The following PLCL2 variants were observed in gnomAD, a reference collection of about 807,000 sequenced individuals.
PLCL2 encodes the protein inactive phospholipase C-like protein 2.
In PLCL2, 4 loss-of-function variants were observed where a neutral mutation model predicts 79.6. The ratio of observed to expected loss-of-function variants is 0.05; its 90% CI spans 0.02 to 0.11. PLCL2 has a LOEUF of 0.11. PLCL2 is among the 10% of genes least tolerant of loss of function. The pLI is 1.00. For synonymous variants in PLCL2, 484 were observed against 457.7 expected (o/e 1.06, Z -0.73); for missense variants, 895 against 1,291.0 (o/e 0.69, Z 4.70).
intron 1 of PLCL2, among the ~76,000 whole-genome samples, chr3:16,980,098 A>ACCCCC (rs1347472609): frequency 1.6e-5 from 1 of 63,828 alleles, no homozygotes; most frequent in African/African-American, 6.5e-5. Flanking sequence ...TAGGGGGCTG[A>ACCCCC]CCACCCCACC....
intron 3 of PLCL2, among the ~76,000 whole-genome samples, chr3:17,015,355 A>G (rs2064372489): frequency 6.6e-6 from 1 of 152,202 alleles, no homozygotes; most frequent in Non-Finnish European, 1.5e-5. Context: ...ACTCTGCACT[A>G]GGCTATGGTT....
intron 4 of PLCL2, among the ~76,000 whole-genome samples, chr3:17,063,844 C>G (rs1468085646): frequency 6.6e-6 from 1 of 152,218 alleles, no homozygotes; most frequent in Non-Finnish European, 1.5e-5. Context: ...CATCTCTTCT[C>G]TTCCTGTAAT....
intron 1 of PLCL2, among the ~76,000 whole-genome samples, chr3:16,990,050 A>G (rs562982353): frequency 2.3e-4 from 35 of 152,322 alleles, no homozygotes; most frequent in Non-Finnish European, 5.0e-4. Flanking sequence ...TGATATAGGC[A>G]GAGGAGATAG....
chr3:16,948,071 C>G (rs2063617766), intron 1 of PLCL2, among the ~76,000 whole-genome samples: 1 of 152,134 alleles, frequency 6.6e-6, no homozygotes, highest in Non-Finnish European at 1.5e-5. Flanking sequence ...CAGGAATGTT[C>G]ATAGCAGCAT....
intron 1 of PLCL2, among the ~76,000 whole-genome samples, chr3:16,976,591 T>C (rs1291333321): frequency 6.6e-6 from 1 of 152,176 alleles, no homozygotes; most frequent in Non-Finnish European, 1.5e-5. Flanking sequence ...CCTAGACTAA[T>C]GTTTGACCAA....
intron 3 of PLCL2, among the ~76,000 whole-genome samples, chr3:17,021,591 T>G (rs910110554): frequency 1.0e-5 from 1 of 95,302 alleles, no homozygotes; most frequent in African/African-American, 4.6e-5. Context: ...TCTTAAAGTA[T>G]TCTTACACAC....
At chr3:16,995,459 T>G (rs141475420) in intron 1 of PLCL2, among the ~76,000 whole-genome samples, 1 of 152,216 alleles carries the variant, frequency 6.6e-6, no homozygotes, top group African/African-American at 2.4e-5. Context: ...AGGTGCTGGC[T>G]CCCCTCACAA....
rs188576407 is a variant in PLCL2 at position 16,955,262 on chromosome 3, A to C, written c.328-54412A>C. Among the ~76,000 whole-genome samples the C allele has an allele frequency of 4.3e-4, 65 of 152,314 alleles. No homozygotes were observed. In the East Asian group the frequency reaches 0.012, roughly 27 times the overall value. On this transcript the variant is annotated intron_variant, in intron 1 of 5. Transcript: ENST00000615277. ...CTACATATGGCTAGCCAGTTTTCCC[A>C]GCACCATTTATTAAATAGGGAATCT...
chr3:16,942,274 A>G (rs960206307), intron 1 of PLCL2, among the ~76,000 whole-genome samples: 2 of 152,200 alleles, frequency 1.3e-5, no homozygotes, highest in African/African-American at 4.8e-5. Context: ...AGATTCTGCA[A>G]TTACATAGGC....
chr3:17,051,887 C>G (rs1043157978), intron 4 of PLCL2, among the ~76,000 whole-genome samples: 1 of 152,100 alleles, frequency 6.6e-6, no homozygotes, highest in African/African-American at 2.4e-5. Flanking sequence ...CACCCAGAAC[C>G]CCATGAGTTC....
At chr3:16,982,900 A>G (rs966400686) in intron 1 of PLCL2, among the ~76,000 whole-genome samples, 5 of 152,192 alleles carry the variant, frequency 3.3e-5, no homozygotes, top group Non-Finnish European at 1.5e-5. Flanking sequence ...GTATATTTTT[A>G]TTTCTGTATA....
intron 5 of PLCL2, chr3:17,081,485 A>G: frequency 3.6e-6 from 1 of 280,192 alleles, no homozygotes; most frequent in Non-Finnish European, 7.1e-6. Context: ...AAAATTAGCC[A>G]GATGTAGAAT....
intron 4 of PLCL2, among the ~76,000 whole-genome samples, chr3:17,050,065 A>G (rs2064823649): frequency 2.0e-5 from 3 of 152,340 alleles, no homozygotes; most frequent in South Asian, 4.1e-4. Flanking sequence ...AAGGGTGTCA[A>G]GATTATACAG....
chr3:17,056,311 T>A (rs906205641), intron 4 of PLCL2, among the ~76,000 whole-genome samples: 2 of 148,326 alleles, frequency 1.3e-5, no homozygotes, highest in Admixed American at 1.3e-4. Flanking sequence ...TACCAGAAGG[T>A]TATATATATA....
In PLCL2 at chr3:16,937,572, A is replaced by T. The variant is rs149867637; in HGVS notation, c.327+52206A>T. Reference sequence around the variant, plus strand: ...CCTTCTAGGTTGTGCTGGCCGCATAAGATTTGCTGTTGCGGCTTTCTATGG... The same window carrying T: ...CCTTCTAGGTTGTGCTGGCCGCATATGATTTGCTGTTGCGGCTTTCTATGG... On this transcript the variant is annotated intron_variant, in intron 1 of 5. Transcript: ENST00000615277. Among the ~76,000 whole-genome samples the T allele has an allele frequency of 4.0e-3, 611 of 152,346 alleles. 2 individuals are homozygous for T. Among genetic ancestry groups the T allele is most frequent in the African/African-American group, 0.014 (585 of 41,584 alleles).
intron 1 of PLCL2, among the ~76,000 whole-genome samples, chr3:17,006,297 T>C (rs554320788): frequency 2.6e-5 from 4 of 152,284 alleles, no homozygotes; most frequent in East Asian, 1.9e-4. Context: ...ATTAGGCAAT[T>C]TGGGGCTCAG....
chr3:16,971,299 G>A (rs1443059843), intron 1 of PLCL2, among the ~76,000 whole-genome samples: 25 of 151,954 alleles, frequency 1.6e-4, no homozygotes, highest in South Asian at 2.1e-4. Flanking sequence ...AGTTTTCCCC[G>A]CACCATTTAT....
At chr3:17,035,291 G>A (rs562035183) in intron 3 of PLCL2, among the ~76,000 whole-genome samples, 65 of 152,088 alleles carry the variant, frequency 4.3e-4, no homozygotes, top group Admixed American at 5.2e-4. Flanking sequence ...ATAACTGTGG[G>A]GTGTGTAACA....
intron 1 of PLCL2, among the ~76,000 whole-genome samples, chr3:16,903,325 G>T (rs1012972011): frequency 6.6e-6 from 1 of 152,096 alleles, no homozygotes; most frequent in African/African-American, 2.4e-5. Flanking sequence ...TTTGCTGCAG[G>T]CGAATATTGG....
Sources: gnomAD v4.1 joint callset for allele counts (sites outside exome capture counted in the v4.1 genomes callset) on GRCh38, gnomAD v4.1.1 for gene constraint, MANE v1.5 for transcripts, NCBI Gene and HGNC (gene_info 2026-07-23, HGNC 2026-07-21) for gene names.